The following C12orf54 variants were observed in gnomAD, a reference collection of about 807,000 sequenced individuals.
C12orf54 encodes uncharacterized protein C12orf54.
Under a neutral mutation model 26.4 loss-of-function variants are expected in C12orf54, and 24 were observed. The observed-to-expected ratio is 0.91, with a 90% CI of 0.66 to 1.28. The LOEUF is 1.28. Ranked by LOEUF, C12orf54 falls within the 50% of genes most tolerant of loss-of-function variation. The pLI, the probability that C12orf54 is intolerant of heterozygous loss-of-function variation, is 0.00. For missense variants in C12orf54, 154 were observed against 150.9 expected, an observed-to-expected ratio of 1.02 and a Z score of -0.11; for synonymous variants, 54 against 47.0, an observed-to-expected ratio of 1.15 and a Z score of -0.61.
At chr12:48,486,508 T>G in intron 3 of C12orf54, 180 bp from the exon 4 acceptor site, 2 of 665,444 alleles carry the variant, frequency 3.0e-6, no homozygotes, top group Non-Finnish European at 5.3e-6. Context: ...GCAGGATATA[T>G]GGGATGAAAT....
chr12:48,429,696 C>T, the C12orf54 span, among the ~76,000 whole-genome samples: 1 of 152,100 alleles, frequency 6.6e-6, no homozygotes, highest in East Asian at 1.9e-4. Flanking sequence ...ACATCCCATG[C>T]TCATGGATGG....
chr12:48,467,794 T>C, the C12orf54 span, among the ~76,000 whole-genome samples: 1 of 152,196 alleles, frequency 6.6e-6, no homozygotes, highest in Non-Finnish European at 1.5e-5. Context: ...TTTTATTGCA[T>C]GTCAATTATA....
chr12:48,431,292 G>GA, the C12orf54 span, among the ~76,000 whole-genome samples: 1 of 151,906 alleles, frequency 6.6e-6, no homozygotes, highest in Non-Finnish European at 1.5e-5. Flanking sequence ...ATAACCTATG[G>GA]AAAAATAAAA....
the C12orf54 span, among the ~76,000 whole-genome samples, chr12:48,468,941 C>T: frequency 6.6e-6 from 1 of 152,066 alleles, no homozygotes; most frequent in Non-Finnish European, 1.5e-5. Flanking sequence ...AGCCACAAAA[C>T]CAGCAAGTTT....
At chr12:48,450,936 C>T in the C12orf54 span, among the ~76,000 whole-genome samples, 1 of 151,894 alleles carries the variant, frequency 6.6e-6, no homozygotes, top group Non-Finnish European at 1.5e-5. Context: ...AAAACTATTA[C>T]AAAAAATGGA....
chr12:48,445,859 A>T, the C12orf54 span, among the ~76,000 whole-genome samples: 1 of 152,210 alleles, frequency 6.6e-6, no homozygotes, highest in Non-Finnish European at 1.5e-5. Flanking sequence ...AGTGATGTTG[A>T]GGAGCAGACC....
chr12:48,454,093 TTTG>T, the C12orf54 span, among the ~76,000 whole-genome samples: 35,620 of 113,822 alleles, frequency 0.31, 5,842 homozygotes, highest in Middle Eastern at 0.48. Flanking sequence ...TCTTTTTTTG[TTTG>T]TTTTTTTTTT....
the C12orf54 span, among the ~76,000 whole-genome samples, chr12:48,436,270 T>A: frequency 6.6e-6 from 1 of 151,918 alleles, no homozygotes; most frequent in Non-Finnish European, 1.5e-5. Flanking sequence ...AAGTCCTGAG[T>A]GACCTACAAA....
intron 7 of C12orf54, among the ~76,000 whole-genome samples, 186 bp downstream of exon 7, chr12:48,493,181 C>G (rs1337203575): frequency 6.6e-6 from 1 of 152,182 alleles, no homozygotes; most frequent in African/African-American, 2.4e-5. Context: ...GGGCTTCCTC[C>G]TCCATCCTCA....
chr12:48,449,039 T>A, the C12orf54 span, among the ~76,000 whole-genome samples: 1 of 152,348 alleles, frequency 6.6e-6, no homozygotes, highest in South Asian at 2.1e-4. Context: ...ATTTTCTGGT[T>A]GACAATTGGT....
At chr12:48,442,678 G>T in the C12orf54 span, 1 of 167,678 alleles carries the variant, frequency 6.0e-6, no homozygotes, top group Non-Finnish European at 1.3e-5. Context: ...CCTCTACTGA[G>T]ATGGTTTTCT....
the C12orf54 span, among the ~76,000 whole-genome samples, chr12:48,424,111 CT>C: frequency 6.6e-6 from 1 of 151,962 alleles, no homozygotes; most frequent in Non-Finnish European, 1.5e-5. Context: ...TGATCATATG[CT>C]TTTCTTTTCT....
the C12orf54 span, among the ~76,000 whole-genome samples, chr12:48,446,918 T>A: frequency 6.6e-6 from 1 of 152,296 alleles, no homozygotes; most frequent in South Asian, 2.1e-4. Flanking sequence ...GAAATTTTAG[T>A]GACTCAAAAG....
the C12orf54 span, among the ~76,000 whole-genome samples, chr12:48,449,108 A>T: frequency 3.9e-4 from 59 of 152,338 alleles, no homozygotes; most frequent in South Asian, 0.012. Context: ...GAGATAGAAG[A>T]TTATGGAAAT....
At chr12:48,427,327 T>G in the C12orf54 span, among the ~76,000 whole-genome samples, 3 of 152,198 alleles carry the variant, frequency 2.0e-5, no homozygotes, top group Non-Finnish European at 4.4e-5. Context: ...CTGTATCTAT[T>G]GAGATAATCA....
At chr12:48,491,015 T>C (rs1365034869) in intron 6 of C12orf54, among the ~76,000 whole-genome samples, 179 bp downstream of exon 6, 1 of 152,230 alleles carries the variant, frequency 6.6e-6, no homozygotes, top group Non-Finnish European at 1.5e-5. Flanking sequence ...GTCCATGTTC[T>C]CTTTTCTTCC....
chr12:48,446,502 T>C, the C12orf54 span, among the ~76,000 whole-genome samples: 2 of 152,184 alleles, frequency 1.3e-5, no homozygotes, highest in African/African-American at 4.8e-5. Context: ...GAAGGGCTGC[T>C]GGGTTAAGTT....
chr12:48,487,939 C>T (rs762726428), intron 4 of C12orf54: 24 of 662,126 alleles, frequency 3.6e-5, no homozygotes, highest in Middle Eastern at 4.0e-4. Context: ...ATCCTATAGC[C>T]GCTGAGATGT....
chr12:48,417,727 C>A, the C12orf54 span, among the ~76,000 whole-genome samples: 6 of 152,074 alleles, frequency 3.9e-5, no homozygotes, highest in East Asian at 1.2e-3. Flanking sequence ...CAACCCTTGT[C>A]CCCCTCCCTC....
Sources: gnomAD v4.1 joint callset for allele counts (sites outside exome capture counted in the v4.1 genomes callset) on GRCh38, gnomAD v4.1.1 for gene constraint, MANE v1.5 for transcripts, NCBI Gene and HGNC (gene_info 2026-07-23, HGNC 2026-07-21) for gene names.